Variants in PEG3 observed in about 807,000 individuals in gnomAD.
The protein encoded by PEG3 is paternally expressed 3.
PEG3 carries 23 observed loss-of-function variants against 35.5 expected under a neutral mutation model. The observed-to-expected ratio is 0.65, with a 90% confidence interval of 0.47 to 0.92. PEG3 has a LOEUF of 0.92. PEG3 is among the 40% of genes least tolerant of loss of function. PEG3 has a pLI of 0.00. For missense variants in PEG3, 1,960 were observed against 1,985.3 expected, an observed-to-expected ratio of 0.99 and a Z score of 0.24; for synonymous variants, 707 against 697.0, an observed-to-expected ratio of 1.01 and a Z score of -0.23.
chr19:56,834,858 G>A (rs2146610007), intron 2 of PEG3, among the ~76,000 whole-genome samples: 1 of 152,228 alleles, frequency 6.6e-6, no homozygotes, highest in Non-Finnish European at 1.5e-5. Context: ...TAGACACTGA[G>A]GCCAGGGATT....
chr19:56,810,374 T>G lies in PEG3; in HGVS notation c.*3301A>C, dbSNP rs1169955977. 5 of 985,224 alleles carry G rather than the reference T, an allele frequency of 5.1e-6. No individual in the cohort carries two copies. Among genetic ancestry groups the G allele is most frequent in the Non-Finnish European group, 6.0e-6 (5 of 829,898 alleles). 61.0% of individuals were successfully genotyped at this position (985,224 alleles called of 1,614,324 possible). On this transcript the variant is annotated 3_prime_UTR_variant, in exon 10 of 10. Transcript: ENST00000326441. ...GGAAACCGAAACAAAATAACCATAATCCCACAACAACCACACAACTATTTC... is the reference window on the plus strand; with the variant it reads ...GGAAACCGAAACAAAATAACCATAAGCCCACAACAACCACACAACTATTTC...
intron 7 of PEG3, among the ~76,000 whole-genome samples, chr19:56,821,411 A>C (rs2060473761): frequency 6.6e-6 from 1 of 152,090 alleles, no homozygotes; most frequent in Non-Finnish European, 1.5e-5. Context: ...CAACCTACCA[A>C]GTGACACACA....
rs772779692 is a variant in PEG3 at position 56,814,329 on chromosome 19, GGCT to G, written c.4110_4112del (p.Ala1371del). ...CATGGACATTGGCTTCAACTTCCTG[GGCT>G]GCTGCTGCTGCAGCTGCTGCTGCTT... On this transcript the variant is annotated inframe_deletion, in exon 10 of 10. Transcript: ENST00000326441. The surrounding 1 kb of genome is among the most constrained non-coding windows in gnomAD (Gnocchi z 5.8). 2.5e-6 allele frequency: 4 copies of G among 1,613,796 alleles called. No individual in the cohort carries two copies. Among genetic ancestry groups the G allele is most frequent in the East Asian group, 2.2e-5 (1 of 44,868 alleles).
chr19:56,833,169 C>T, intron 2 of PEG3: 1 of 517,490 alleles, frequency 1.9e-6, no homozygotes. Flanking sequence ...CCTCAGGCTC[C>T]CACATCCCAT....
chr19:56,836,003 G>T lies in PEG3; in HGVS notation c.-163+15C>A. ...AAAGATGAATGTGGCACTGTGAGGA[G>T]GAAATTCAACTCACCTGGACCCAGC... On this transcript the variant is annotated intron_variant, in intron 2 of 9. Coordinates refer to ENST00000326441, the MANE Select transcript of PEG3 (RefSeq NM_006210.3). 1 of 510,312 alleles carries T rather than the reference G, an allele frequency of 2.0e-6. No homozygotes were observed. 31.6% of individuals were successfully genotyped at this position (510,312 alleles called of 1,614,324 possible).
Position 56,814,329 on chromosome 19 carries a change from G to GGCTGCTGCTGCTGCAGCT in PEG3, c.4095_4112dup (p.Ala1366_Ala1371dup), listed in dbSNP as rs768462739. ...CATGGACATTGGCTTCAACTTCCTG[G>GGCTGCTGCTGCTGCAGCT]GCTGCTGCTGCTGCAGCTGCTGCTG... On this transcript the variant is annotated inframe_insertion, in exon 10 of 10. Transcript: ENST00000326441. This position sits in a 1 kb window ranked among gnomAD's most constrained non-coding sequence, Gnocchi z 5.8. The GGCTGCTGCTGCTGCAGCT allele has an allele frequency of 6.2e-7, 1 of 1,613,674 alleles. No homozygotes were observed. The highest frequency in any genetic ancestry group is 1.1e-5 in the South Asian group (1 of 91,066).
intron 8 of PEG3, among the ~76,000 whole-genome samples, chr19:56,818,143 T>C (rs2060149058): frequency 1.3e-5 from 2 of 152,208 alleles, no homozygotes; most frequent in East Asian, 3.9e-4. Context: ...TCTTTTCCAC[T>C]GGCCTTCTTC....
intron 2 of PEG3, among the ~76,000 whole-genome samples, chr19:56,835,435 C>T (rs1190140903): frequency 6.6e-6 from 1 of 152,168 alleles, no homozygotes; most frequent in African/African-American, 2.4e-5. Context: ...ACAACCCTAT[C>T]CCCTCTGCTG....
At chr19:56,817,876 T>C (rs1426810561) in intron 8 of PEG3, 41 bp from the exon 9 acceptor site, 3 of 1,528,740 alleles carry the variant, frequency 2.0e-6, no homozygotes, top group Admixed American at 3.4e-5. Flanking sequence ...AAATTCAAGT[T>C]GAGGACCAAG....
At position 56,822,910 on chromosome 19, in the gene PEG3, C is replaced by A. The variant is rs539442016; in HGVS notation, c.482-74G>T. On this transcript the variant is annotated intron_variant, in intron 5 of 9. Transcript: ENST00000326441. Reference sequence around the variant, plus strand: ...TGTTTTCCCTGCATGTGCACAAACACCCCTCTGGAAAGAGATGCTACCCTC... The same window carrying A: ...TGTTTTCCCTGCATGTGCACAAACAACCCTCTGGAAAGAGATGCTACCCTC... 3.2e-5 allele frequency: 50 copies of A among 1,548,504 alleles called. No homozygotes were observed. The African/African-American group carries it at 4.8e-4, about 15-fold the overall frequency.
In PEG3 at chr19:56,815,738, C is replaced by G. The variant is rs774565781; in HGVS notation, c.2704G>C (p.Ala902Pro). The G allele has an allele frequency of 6.2e-7, 1 of 1,614,156 alleles. No homozygotes were observed. The highest frequency in any genetic ancestry group is 8.5e-7 in the Non-Finnish European group (1 of 1,180,024). The change falls in exon 10 of 10, where the codon GCC (alanine) becomes CCC (proline). Residue 902 changes from alanine (A) to proline (P), a missense_variant. Around this residue, in one of 5 missense-constraint regions of PEG3, gnomAD observed 798 missense variants for 782.4 expected, o/e 1.02. Transcript: ENST00000326441. Reference protein sequence around the residue: ...EDSVIQSVFRAKPQKSVPGEG... With the variant: ...EDSVIQSVFRPKPQKSVPGEG... ...CCAGGAACACTTTTCTGAGGTTTGG[C>G]ACGGAATACACTCTGTATGACAGAG...
In PEG3 at chr19:56,817,516, G is replaced by A. The variant is rs1288542163; in HGVS notation, c.926C>T (p.Ser309Phe). The A allele has an allele frequency of 6.2e-7, 1 of 1,608,318 alleles. No individual in the cohort carries two copies. The highest frequency in any genetic ancestry group is 1.7e-4 in the Middle Eastern group (1 of 6,030). Reference sequence around the variant, plus strand: ...TTTTTCCATTATCACTCCGTGGGAAGATTCATCTTCACAAATCCCCCGCCG... The same window carrying A: ...TTTTTCCATTATCACTCCGTGGGAAAATTCATCTTCACAAATCCCCCGCCG... The part of the protein sequence containing the change: ...THRRGICEDE[S>F]SHGVIMEKFI... Residue 309 changes from serine to phenylalanine, a missense_variant, in exon 10 of 10, where the codon TCT becomes TTT. This residue lies in a region of PEG3 where 613 missense variants were observed against 577.1 expected (regional missense o/e 1.06). Coordinates refer to ENST00000326441, the MANE Select transcript of PEG3 (RefSeq NM_006210.3).
Position 56,816,084 on chromosome 19 carries a change from T to C in PEG3, c.2358A>G (p.Glu786=), listed in dbSNP as rs371734406. The change falls in exon 10 of 10, where the codon GAA becomes GAG. Residue 786 remains glutamate, a synonymous_variant. Transcript: ENST00000326441. ...RSVIHSLASV[E]AQKSHSVAGP... is the part of the protein sequence containing the mutation. ...CTGCTACACTGTGACTTTTCTGAGCTTCCACAGAGGCTAAGCTATGAATAA... is the reference window on the plus strand; with the variant it reads ...CTGCTACACTGTGACTTTTCTGAGCCTCCACAGAGGCTAAGCTATGAATAA... 2.2e-5 allele frequency: 36 copies of C among 1,604,676 alleles called. No individual in the cohort carries two copies. The highest frequency in any genetic ancestry group is 2.8e-5 in the Non-Finnish European group (33 of 1,174,944).
chr19:56,822,444 A>T (rs929402774), intron 6 of PEG3: 3 of 321,062 alleles, frequency 9.3e-6, no homozygotes, highest in African/African-American at 6.4e-5. Flanking sequence ...ATGGCACTTC[A>T]TACTAGTTTT....
In PEG3 at chr19:56,824,597, A is replaced by T. The variant is rs1188659759; in HGVS notation, c.59T>A (p.Leu20Gln). ...TKPKKSWAPN[L>Q]YELDSDLTKE... is the part of the protein sequence containing the mutation. The stretch of plus-strand genomic sequence containing the variant: ...AGTCAAGTCACTGTCTAGCTCATAC[A>T]GATTTGGGGCCCAGGACTTCTTAGG... The change falls in exon 4 of 10, where the codon CTG (leucine) becomes CAG (glutamine). Residue 20 changes from leucine to glutamine, a missense_variant. Transcript: ENST00000326441. 2.5e-6 allele frequency: 4 copies of T among 1,613,236 alleles called. No homozygotes were observed. Among genetic ancestry groups the T allele is most frequent in the African/African-American group, 1.3e-5 (1 of 74,884 alleles).
rs1285710577 is a variant in PEG3 at position 56,810,764 on chromosome 19, A to C, written c.*2911T>G. 2 of 982,726 alleles carry C rather than the reference A, an allele frequency of 2.0e-6. No homozygotes were observed. The highest frequency in any genetic ancestry group is 2.4e-6 in the Non-Finnish European group (2 of 827,604). 60.9% of individuals were successfully genotyped at this position (982,726 alleles called of 1,614,324 possible). A position where few individuals can be genotyped will look rare whatever the true frequency, so the allele number is the denominator to read the frequency against. On this transcript the variant is annotated 3_prime_UTR_variant, in exon 10 of 10. Transcript: ENST00000326441. ...TTATCACAAGCGTGTGCACTGAAAC[A>C]AGATAGAGGAAACAGATCAAGATGT...
intron 2 of PEG3, among the ~76,000 whole-genome samples, chr19:56,834,504 C>G (rs1017123837): frequency 6.6e-6 from 1 of 152,208 alleles, no homozygotes; most frequent in African/African-American, 2.4e-5. Context: ...CTGCTGAGTA[C>G]TTGGGTCCCT....
intron 7 of PEG3, among the ~76,000 whole-genome samples, chr19:56,820,292 A>C (rs1199894220): frequency 6.6e-6 from 1 of 152,248 alleles, no homozygotes; most frequent in Non-Finnish European, 1.5e-5. Context: ...TGTTGTGTAC[A>C]CCTTCAAAAT....
intron 6 of PEG3, 99 bp downstream of exon 6, chr19:56,822,654 G>C (rs2060613281): frequency 6.7e-7 from 1 of 1,498,486 alleles, no homozygotes; most frequent in African/African-American, 1.4e-5. Flanking sequence ...ACTCCAAATG[G>C]AGCAGCAGAA....
Sources: gnomAD v4.1 joint callset for allele counts (sites outside exome capture counted in the v4.1 genomes callset) on GRCh38, gnomAD v4.1.1 for gene constraint, gnomAD v4.1.1 regional missense constraint, Gnocchi (gnomAD v3.1) non-coding constraint, MANE v1.5 for transcripts, NCBI Gene and HGNC (gene_info 2026-07-23, HGNC 2026-07-21) for gene names.